Variants in CMC1 observed in about 807,000 individuals in gnomAD.
CMC1 encodes the protein COX assembly mitochondrial protein homolog.
In CMC1, 14 loss-of-function variants were observed where a neutral mutation model predicts 14.1. The ratio of observed to expected loss-of-function variants is 0.99; its 90% CI spans 0.66 to 1.55. The LOEUF (loss-of-function observed/expected upper bound fraction) is 1.55, where lower values mean the gene tolerates loss of function less well. Ranked by LOEUF, CMC1 falls within the 40% of genes most tolerant of loss-of-function variation. The pLI is 0.00. For synonymous variants in CMC1, 50 were observed against 38.4 expected, an observed-to-expected ratio of 1.30 and a Z score of -1.12; for missense variants, 127 against 123.8, an observed-to-expected ratio of 1.03 and a Z score of -0.12.
intron 2 of CMC1, among the ~76,000 whole-genome samples, chr3:28,266,644 A>G (rs979267210): frequency 3.3e-5 from 5 of 151,924 alleles, no homozygotes; most frequent in Admixed American, 2.0e-4. Context: ...CGCTCAACCT[A>G]TGTTTCTTTT....
chr3:28,286,226 A>G (rs1701174024), intron 2 of CMC1, among the ~76,000 whole-genome samples: 1 of 152,128 alleles, frequency 6.6e-6, no homozygotes, highest in African/African-American at 2.4e-5. Context: ...CTATGTCAGT[A>G]TTTTGTGTGG....
chr3:28,257,583 A>G (rs549892929), intron 1 of CMC1, among the ~76,000 whole-genome samples: 3 of 152,256 alleles, frequency 2.0e-5, no homozygotes, highest in South Asian at 4.1e-4. Context: ...CAGTGATGCC[A>G]TCTTGGCTGA....
intron 2 of CMC1, among the ~76,000 whole-genome samples, chr3:28,295,204 C>A (rs561860154): frequency 1.3e-5 from 2 of 152,036 alleles, no homozygotes; most frequent in Non-Finnish European, 2.9e-5. Context: ...TGAAATTAAG[C>A]CCTGTCTGAT....
chr3:28,255,438 G>A (rs1321276978), intron 1 of CMC1, among the ~76,000 whole-genome samples: 1 of 151,736 alleles, frequency 6.6e-6, no homozygotes, highest in African/African-American at 2.4e-5. Context: ...TAGAGACAGA[G>A]TTTCATCATA....
chr3:28,312,618 A>G (rs909446625), intron 2 of CMC1, among the ~76,000 whole-genome samples: 1 of 152,212 alleles, frequency 6.6e-6, no homozygotes, highest in African/African-American at 2.4e-5. Flanking sequence ...CATAAATTAA[A>G]TAAGTTAAAA....
intron 2 of CMC1, among the ~76,000 whole-genome samples, chr3:28,293,593 T>C (rs1236510138): frequency 6.6e-6 from 1 of 152,142 alleles, no homozygotes; most frequent in African/African-American, 2.4e-5. Flanking sequence ...ATATTCTTTC[T>C]TTTTTTGAGA....
chr3:28,246,090 A>C (rs901222240), intron 1 of CMC1, among the ~76,000 whole-genome samples: 3 of 151,766 alleles, frequency 2.0e-5, no homozygotes, highest in Admixed American at 6.6e-5. Context: ...GGCATAAGCC[A>C]CCCTGCCTGG....
At chr3:28,269,418 A>T (rs1233288744) in intron 2 of CMC1, among the ~76,000 whole-genome samples, 1 of 151,592 alleles carries the variant, frequency 6.6e-6, no homozygotes, top group Non-Finnish European at 1.5e-5. Flanking sequence ...ACAGAGGAAG[A>T]TGCAGTATAT....
chr3:28,252,832 A>G (rs1699199863), intron 1 of CMC1, among the ~76,000 whole-genome samples: 1 of 152,212 alleles, frequency 6.6e-6, no homozygotes, highest in African/African-American at 2.4e-5. Context: ...TTTATCTGCA[A>G]AATGAAATCA....
intron 1 of CMC1, among the ~76,000 whole-genome samples, chr3:28,262,526 A>G (rs947522678): frequency 3.3e-5 from 5 of 152,096 alleles, no homozygotes; most frequent in African/African-American, 1.2e-4. Context: ...CTTGCTTTCC[A>G]TATTTGCTGC....
intron 2 of CMC1, among the ~76,000 whole-genome samples, chr3:28,269,762 C>T (rs1006344094): frequency 5.3e-5 from 8 of 152,130 alleles, no homozygotes; most frequent in South Asian, 4.1e-4. Flanking sequence ...GATGGGGTTT[C>T]GCCATGTTGG....
At chr3:28,296,423 A>G (rs1467776603) in intron 2 of CMC1, among the ~76,000 whole-genome samples, 1 of 152,090 alleles carries the variant, frequency 6.6e-6, no homozygotes, top group African/African-American at 2.4e-5. Context: ...ACACTGAATT[A>G]TTCATTTCCA....
intron 1 of CMC1, among the ~76,000 whole-genome samples, chr3:28,250,524 G>A (rs1289811645): frequency 6.6e-6 from 1 of 152,174 alleles, no homozygotes; most frequent in Admixed American, 6.5e-5. Context: ...GATGATGTTT[G>A]TAAACCAGTT....
chr3:28,285,207 A>C (rs17638742), intron 2 of CMC1, among the ~76,000 whole-genome samples: 2 of 152,168 alleles, frequency 1.3e-5, no homozygotes, highest in Admixed American at 6.5e-5. Flanking sequence ...GTCCTTACCA[A>C]GATGATGGTT....
Position 28,319,830 on chromosome 3 carries a change from G to C in CMC1, c.*201G>C. 2.4e-6 allele frequency: 1 copy of C among 423,846 alleles called. No individual in the cohort carries two copies. Among genetic ancestry groups the C allele is most frequent in the Non-Finnish European group, 4.2e-6 (1 of 238,112 alleles). 26.3% of individuals were successfully genotyped at this position (423,846 alleles called of 1,614,324 possible). On this transcript the variant is annotated 3_prime_UTR_variant, in exon 4 of 4. Coordinates refer to ENST00000466830, the MANE Select transcript of CMC1 (RefSeq NM_182523.2). ...TACTGAATTGGGATATGGTTTTCCT[G>C]GTCATTCTGGACCTTTTGAAAGTTT...
chr3:28,257,146 T>G (rs925523736), intron 1 of CMC1, among the ~76,000 whole-genome samples: 5 of 152,236 alleles, frequency 3.3e-5, no homozygotes, highest in African/African-American at 1.2e-4. Flanking sequence ...TATAAATTTT[T>G]AAGCTAATCG....
intron 2 of CMC1, among the ~76,000 whole-genome samples, chr3:28,289,841 C>T (rs1701377360): frequency 6.6e-6 from 1 of 152,034 alleles, no homozygotes; most frequent in African/African-American, 2.4e-5. Flanking sequence ...CCAAAAATTA[C>T]TCTAAATTCT....
At chr3:28,255,724 C>A (rs1448478453) in intron 1 of CMC1, among the ~76,000 whole-genome samples, 8 of 138,938 alleles carry the variant, frequency 5.8e-5, no homozygotes, top group African/African-American at 8.3e-5. Context: ...CATGTACATA[C>A]ACACACACAC....
chr3:28,294,178 A>G (rs774588110), intron 2 of CMC1, among the ~76,000 whole-genome samples: 2 of 152,186 alleles, frequency 1.3e-5, no homozygotes, highest in Non-Finnish European at 2.9e-5. Context: ...TTAATGATAC[A>G]TAACTGTGGA....
Sources: allele counts gnomAD v4.1 joint callset (sites outside exome capture counted in the v4.1 genomes callset), GRCh38; gene constraint gnomAD v4.1.1; transcripts MANE v1.5; gene names NCBI Gene and HGNC (gene_info 2026-07-23, HGNC 2026-07-21).